The following SLC13A3 variants were observed in gnomAD, a reference collection of about 807,000 sequenced individuals.
The protein encoded by SLC13A3 is solute carrier family 13 member 3.
Under a neutral mutation model 59.0 loss-of-function variants are expected in SLC13A3, and 40 were observed. The observed-to-expected ratio is 0.68, with a 90% CI of 0.53 to 0.88. SLC13A3 has a LOEUF of 0.88. Among genes scored for constraint, SLC13A3 ranks in the 40% least tolerant of loss-of-function variants. SLC13A3 has a pLI of 0.00. For synonymous variants in SLC13A3, 317 were observed against 330.3 expected (o/e 0.96, Z 0.44); for missense variants, 699 against 783.2 (o/e 0.89, Z 1.28).
At chr20:46,674,969 A>G (rs567399558), upstream of SLC13A3, among the ~76,000 whole-genome samples, 1 of 152,176 alleles carries the variant, frequency 6.6e-6, no homozygotes, top group South Asian at 2.1e-4. Context: ...GGCTTCCCAG[A>G]CAAAGTGGCA....
intron 1 of SLC13A3, among the ~76,000 whole-genome samples, chr20:46,635,181 C>T (rs1230620016): frequency 6.6e-6 from 1 of 152,084 alleles, no homozygotes; most frequent in African/African-American, 2.4e-5. Context: ...TATGTTAGAA[C>T]GTTATTCCCA....
At chr20:46,615,535 A>G (rs2062546380) in intron 1 of SLC13A3, among the ~76,000 whole-genome samples, 1 of 152,162 alleles carries the variant, frequency 6.6e-6, no homozygotes, top group Non-Finnish European at 1.5e-5. Context: ...AGTGAGAAGT[A>G]GTTGAATTCT....
At chr20:46,583,458 G>A in intron 9 of SLC13A3, 114 bp downstream of exon 9, 1 of 1,498,514 alleles carries the variant, frequency 6.7e-7, no homozygotes, top group Non-Finnish European at 8.8e-7. Context: ...AGTGAAAGGA[G>A]AAGCAGGAAG....
intron 2 of SLC13A3, 119 bp downstream of exon 2, chr20:46,613,341 G>A (rs1001920129): frequency 2.4e-4 from 91 of 375,590 alleles, no homozygotes; most frequent in Middle Eastern, 1.5e-3. Context: ...ATAAATAAAT[G>A]GTGGGAACCG....
chr20:46,647,363 T>A (rs1268438056), intron 1 of SLC13A3, among the ~76,000 whole-genome samples: 1 of 152,068 alleles, frequency 6.6e-6, no homozygotes, highest in South Asian at 2.1e-4. Flanking sequence ...GGAAAGGGGG[T>A]AAGGCTTCTC....
intron 1 of SLC13A3, among the ~76,000 whole-genome samples, chr20:46,628,659 G>A (rs896258332): frequency 6.6e-5 from 10 of 152,198 alleles, no homozygotes; most frequent in African/African-American, 2.4e-4. Flanking sequence ...TCTAGTGCTG[G>A]CCTGTCTAAA....
rs756093726 is a variant in SLC13A3 at position 46,592,509 on chromosome 20, A to G, written c.815T>C (p.Val272Ala). Residue 272 changes from valine to alanine, a missense_variant, in exon 6 of 13, where the codon GTG becomes GCG. By Grantham distance (64) the Val-to-Ala change is moderately conservative. Coordinates refer to ENST00000279027, the MANE Select transcript of SLC13A3 (RefSeq NM_022829.6). Reference protein sequence around the residue: ...QLKSFFPQCDVVNFGSWFIFA... With the variant: ...QLKSFFPQCDAVNFGSWFIFA... The stretch of plus-strand genomic sequence containing the variant: ...AATGAACCAGGAGCCGAAATTCACC[A>G]CGTCACACTGCGGAAAGAAACTGGA... The G allele has an allele frequency of 8.1e-6, 13 of 1,613,814 alleles. No homozygotes were observed. Among genetic ancestry groups the G allele is most frequent in the Non-Finnish European group, 1.1e-5 (13 of 1,179,798 alleles).
At position 46,585,852 on chromosome 20, in the gene SLC13A3, A is replaced by G. The variant is rs1054839775; in HGVS notation, c.1122-2183T>C. On this transcript the variant is annotated intron_variant, in intron 8 of 12. Coordinates refer to ENST00000279027, the MANE Select transcript of SLC13A3 (RefSeq NM_022829.6). ...TTGTTTCTTGCTTATAACAACCTTC[A>G]GGAGATCAGAATTTATGTCACCCAT... 70 of 1,180,086 alleles carry G rather than the reference A, an allele frequency of 5.9e-5. No individual in the cohort carries two copies. In the South Asian group the frequency reaches 1.0e-3, roughly 17 times the overall value. 73.1% of individuals were successfully genotyped at this position (1,180,086 alleles called of 1,614,324 possible). A position where few individuals can be genotyped will look rare whatever the true frequency, so the allele number is the denominator to read the frequency against.
chr20:46,575,493 T>G, intron 10 of SLC13A3, 80 bp downstream of exon 10: 2 of 754,726 alleles, frequency 2.6e-6, no homozygotes, highest in Non-Finnish European at 4.2e-6. Flanking sequence ...GCTCTGATCC[T>G]GGTGCTGCAG....
intron 1 of SLC13A3, among the ~76,000 whole-genome samples, chr20:46,635,635 C>G (rs1001163335): frequency 6.6e-6 from 1 of 152,144 alleles, no homozygotes. Context: ...CTGTCAGAGG[C>G]GTTTGAACCA....
chr20:46,603,820 G>A (rs1360724946), intron 3 of SLC13A3, among the ~76,000 whole-genome samples: 2 of 151,900 alleles, frequency 1.3e-5, no homozygotes, highest in East Asian at 3.9e-4. Flanking sequence ...GGCTGGATGT[G>A]GAGGGCCATG....
intron 1 of SLC13A3, among the ~76,000 whole-genome samples, chr20:46,676,942 A>T (rs998557323): frequency 6.6e-6 from 1 of 151,776 alleles, no homozygotes; most frequent in East Asian, 1.9e-4. Context: ...TTTTTGAGAC[A>T]GAGTCTCACC....
At position 46,566,231 on chromosome 20, in the gene SLC13A3, G is replaced by C; in HGVS notation, c.1492C>G (p.Leu498Val). 6.2e-7 allele frequency: 1 copy of C among 1,613,286 alleles called. No homozygotes were observed. The part of the protein sequence containing the change: ...IIIFLPVLAE[L>V]AIRLRVHPLY... ...CTCTTCCCCAGAAGGACCCTCACCA[G>C]CTCTGCCAGGACCGGCAGGAAGATG... The change falls in exon 11 of 13, where the codon CTG becomes GTG. Residue 498 changes from leucine to valine, a missense_variant and splice_region_variant. Physicochemically the swap from Leu to Val is conservative, Grantham distance 32. Coordinates refer to ENST00000279027, the MANE Select transcript of SLC13A3 (RefSeq NM_022829.6).
chr20:46,599,345 C>CAA (rs2062349442), intron 4 of SLC13A3, among the ~76,000 whole-genome samples: 2 of 152,248 alleles, frequency 1.3e-5, no homozygotes, highest in Non-Finnish European at 1.5e-5. Context: ...ATTGAGATCA[C>CAA]AATGTCATAA....
chr20:46,618,185 C>A (rs2062581253), intron 1 of SLC13A3, among the ~76,000 whole-genome samples: 1 of 150,376 alleles, frequency 6.6e-6, no homozygotes, highest in African/African-American at 2.5e-5. Flanking sequence ...GTGCCCAGCC[C>A]ATCCCTGGTC....
At chr20:46,633,870 T>C (rs2062769427) in intron 1 of SLC13A3, among the ~76,000 whole-genome samples, 1 of 152,212 alleles carries the variant, frequency 6.6e-6, no homozygotes, top group African/African-American at 2.4e-5. Flanking sequence ...CTTTTTGGGG[T>C]GCATTAGCTC....
chr20:46,562,758 C>T (rs1351130153), intron 12 of SLC13A3, among the ~76,000 whole-genome samples: 2 of 152,152 alleles, frequency 1.3e-5, no homozygotes, highest in East Asian at 1.9e-4. Flanking sequence ...TCTCTGTTTG[C>T]TCTGTGTCTC....
chr20:46,640,799 T>G (rs1315288876), intron 1 of SLC13A3, among the ~76,000 whole-genome samples: 1 of 152,190 alleles, frequency 6.6e-6, no homozygotes, highest in Non-Finnish European at 1.5e-5. Flanking sequence ...GGGTGCTGAC[T>G]TCGTGTCTTC....
intron 9 of SLC13A3, chr20:46,583,355 C>T: frequency 4.0e-6 from 5 of 1,246,206 alleles, no homozygotes; most frequent in Non-Finnish European, 5.1e-6. Flanking sequence ...AGATAGCAGG[C>T]TGGATTTGGT....
Sources: allele counts gnomAD v4.1 joint callset (sites outside exome capture counted in the v4.1 genomes callset), GRCh38; gene constraint gnomAD v4.1.1; transcripts MANE v1.5; gene names NCBI Gene and HGNC (gene_info 2026-07-23, HGNC 2026-07-21).